Variants in LOC128092252 observed in about 807,000 individuals in gnomAD.
At chr15:50,680,984 G>A in the LOC128092252 span, among the ~76,000 whole-genome samples, 1 of 152,132 alleles carries the variant, frequency 6.6e-6, no homozygotes, top group Non-Finnish European at 1.5e-5. Flanking sequence ...CGGGCGAGGT[G>A]GCTCATGCCT....
At chr15:50,680,537 C>G in the LOC128092252 span, among the ~76,000 whole-genome samples, 6 of 150,684 alleles carry the variant, frequency 4.0e-5, no homozygotes, top group African/African-American at 1.5e-4. Flanking sequence ...CCACTGAACT[C>G]TAGCCTAATT....
chr15:50,674,949 C>T, the LOC128092252 span, among the ~76,000 whole-genome samples: 1 of 152,110 alleles, frequency 6.6e-6, no homozygotes, highest in Admixed American at 6.6e-5. Context: ...CTTTAGCAAA[C>T]AATTTGCTAA....
At chr15:50,661,513 GTGTT>G in the LOC128092252 span, among the ~76,000 whole-genome samples, 2 of 152,158 alleles carry the variant, frequency 1.3e-5, no homozygotes, top group Admixed American at 6.5e-5. Context: ...CAATGGAAAT[GTGTT>G]TGTTGTGAGA....
chr15:50,679,814 C>A, the LOC128092252 span, among the ~76,000 whole-genome samples: 1 of 151,834 alleles, frequency 6.6e-6, no homozygotes, highest in Non-Finnish European at 1.5e-5. Flanking sequence ...GGATTACAGG[C>A]AAGAGCCACC....
At chr15:50,675,772 G>T in the LOC128092252 span, among the ~76,000 whole-genome samples, 1 of 152,176 alleles carries the variant, frequency 6.6e-6, no homozygotes, top group African/African-American at 2.4e-5. Flanking sequence ...TCCTAAATTT[G>T]TATGTTCCAA....
the LOC128092252 span, chr15:50,686,460 C>T: frequency 6.2e-7 from 1 of 1,613,572 alleles, no homozygotes; most frequent in South Asian, 1.1e-5. Flanking sequence ...ACACACTTGC[C>T]TGCCAAGTCT....
chr15:50,649,596 G>A, the LOC128092252 span, among the ~76,000 whole-genome samples: 3 of 152,198 alleles, frequency 2.0e-5, no homozygotes, highest in East Asian at 1.9e-4. Context: ...ATGATTCCAC[G>A]TATACAAAAT....
chr15:50,659,319 C>G, the LOC128092252 span, among the ~76,000 whole-genome samples: 2 of 152,072 alleles, frequency 1.3e-5, no homozygotes, highest in Non-Finnish European at 2.9e-5. Context: ...AAGACTATAT[C>G]TAACTTTCTG....
At chr15:50,684,044 G>C in the LOC128092252 span, among the ~76,000 whole-genome samples, 1 of 151,942 alleles carries the variant, frequency 6.6e-6, no homozygotes, top group African/African-American at 2.4e-5. Context: ...TAGAGACGGG[G>C]TTTCACCATG....
At chr15:50,669,735 C>G in the LOC128092252 span, among the ~76,000 whole-genome samples, 1 of 152,030 alleles carries the variant, frequency 6.6e-6, no homozygotes, top group Non-Finnish European at 1.5e-5. Context: ...TTTAGGCTGA[C>G]CTTGCTTTCT....
At chr15:50,678,558 ATACATAATTT>A in the LOC128092252 span, among the ~76,000 whole-genome samples, 3 of 149,766 alleles carry the variant, frequency 2.0e-5, no homozygotes, top group African/African-American at 7.3e-5. Flanking sequence ...ACACACACAT[ATACATAATTT>A]TATTATGTCA....
At chr15:50,684,857 T>C in the LOC128092252 span, among the ~76,000 whole-genome samples, 1 of 152,206 alleles carries the variant, frequency 6.6e-6, no homozygotes, top group African/African-American at 2.4e-5. Flanking sequence ...TGCAGAATTC[T>C]TTGTAACCTG....
At chr15:50,674,034 G>A in the LOC128092252 span, among the ~76,000 whole-genome samples, 2 of 152,166 alleles carry the variant, frequency 1.3e-5, no homozygotes, top group Non-Finnish European at 2.9e-5. Context: ...TGTCGCCCAG[G>A]CTGGAGGGCA....
the LOC128092252 span, among the ~76,000 whole-genome samples, chr15:50,651,784 G>A: frequency 2.6e-5 from 4 of 152,064 alleles, no homozygotes; most frequent in East Asian, 7.7e-4. Context: ...CAGCTACTCG[G>A]GAGGCTGAGG....
the LOC128092252 span, among the ~76,000 whole-genome samples, chr15:50,651,559 G>A: frequency 5.3e-5 from 8 of 151,944 alleles, no homozygotes; most frequent in Admixed American, 3.9e-4. Context: ...CACTTTGGGA[G>A]GCCGAGGCAG....
At chr15:50,678,248 AAAACAAAAACAAAAAC>A in the LOC128092252 span, among the ~76,000 whole-genome samples, 2 of 126,078 alleles carry the variant, frequency 1.6e-5, no homozygotes, top group African/African-American at 5.9e-5. Flanking sequence ...TCAAAAAAAA[AAAACAAAAACAAAAAC>A]AAAAACAAAA....
the LOC128092252 span, among the ~76,000 whole-genome samples, chr15:50,657,400 T>C: frequency 6.6e-6 from 1 of 152,280 alleles, no homozygotes; most frequent in South Asian, 2.1e-4. Flanking sequence ...CAAAAGCATG[T>C]GCAACAAAAA....
the LOC128092252 span, among the ~76,000 whole-genome samples, chr15:50,676,362 A>G: frequency 3.3e-5 from 5 of 152,080 alleles, no homozygotes; most frequent in African/African-American, 1.2e-4. Flanking sequence ...AATTCTAGCT[A>G]TGGAGAAGTA....
At chr15:50,667,228 T>C in the LOC128092252 span, among the ~76,000 whole-genome samples, 1 of 152,140 alleles carries the variant, frequency 6.6e-6, no homozygotes, top group Non-Finnish European at 1.5e-5. Flanking sequence ...CTGTGCCTGA[T>C]TACTAGGCCC....
Sources: allele counts gnomAD v4.1 joint callset (sites outside exome capture counted in the v4.1 genomes callset), GRCh38; gene constraint gnomAD v4.1.1; transcripts MANE v1.5.